MYRIP: variants seen among roughly 807,000 people sequenced by gnomAD.
MYRIP encodes the protein rab effector MyRIP.
A neutral mutation model predicts 98.0 loss-of-function variants in MYRIP; 49 were observed. The ratio of observed to expected loss-of-function variants is 0.50; its 90% CI spans 0.40 to 0.63. MYRIP has a LOEUF of 0.63. Ranked by LOEUF, MYRIP falls within the 30% of genes least tolerant of loss-of-function variation. MYRIP has a pLI of 0.00. For synonymous variants in MYRIP, 404 were observed against 409.5 expected, an observed-to-expected ratio of 0.99 and a Z score of 0.16; for missense variants, 1,004 against 1,058.2, an observed-to-expected ratio of 0.95 and a Z score of 0.71.
At chr3:39,943,775 G>A (rs1336409255) in intron 2 of MYRIP, among the ~76,000 whole-genome samples, 1 of 152,180 alleles carries the variant, frequency 6.6e-6, no homozygotes, top group African/African-American at 2.4e-5. Context: ...AGGGCCAAGA[G>A]TTCACTAGCT....
intron 3 of MYRIP, among the ~76,000 whole-genome samples, chr3:40,132,626 T>C (rs1254012536): frequency 6.6e-6 from 1 of 152,234 alleles, no homozygotes; most frequent in East Asian, 1.9e-4. Context: ...GTGAATCTGA[T>C]ACAAGATGAG....
intron 3 of MYRIP, among the ~76,000 whole-genome samples, chr3:40,129,440 C>CAA (rs386396419): frequency 0.013 from 379 of 29,368 alleles, 112 homozygotes; most frequent in African/African-American, 0.02. Flanking sequence ...GACTCTGTCT[C>CAA]AAAAAAAAAA....
chr3:39,922,110 G>T (rs1364992624), intron 2 of MYRIP, among the ~76,000 whole-genome samples: 5 of 151,978 alleles, frequency 3.3e-5, no homozygotes, highest in African/African-American at 1.2e-4. Flanking sequence ...AGTTCTCTTA[G>T]GTTTTTGTTT....
intron 12 of MYRIP, among the ~76,000 whole-genome samples, chr3:40,238,319 CT>C (rs769885656): frequency 3.7e-4 from 56 of 152,358 alleles, no homozygotes; most frequent in Admixed American, 2.0e-3. Flanking sequence ...CCTTGCTCTG[CT>C]GCTCCCGGAT....
chr3:39,933,836 GA>G (rs1944596605), intron 2 of MYRIP, among the ~76,000 whole-genome samples: 1 of 152,060 alleles, frequency 6.6e-6, no homozygotes, highest in Admixed American at 6.6e-5. Context: ...ATTTTTTATA[GA>G]TAAAGAAACT....
At chr3:39,951,127 G>C (rs1036968699) in intron 2 of MYRIP, among the ~76,000 whole-genome samples, 5 of 152,172 alleles carry the variant, frequency 3.3e-5, no homozygotes, top group African/African-American at 1.2e-4. Context: ...ACATCTGCCA[G>C]TGGTTTAGAT....
intron 2 of MYRIP, among the ~76,000 whole-genome samples, chr3:39,954,994 G>A (rs950303089): frequency 7.9e-5 from 12 of 152,040 alleles, no homozygotes; most frequent in South Asian, 2.1e-4. Flanking sequence ...GAAAAGAAAC[G>A]AACAAAGCCT....
chr3:39,968,355 G>T (rs951921412), intron 2 of MYRIP, among the ~76,000 whole-genome samples: 5 of 152,044 alleles, frequency 3.3e-5, no homozygotes, highest in African/African-American at 1.2e-4. Context: ...AAGAGATGGG[G>T]TTTCGCTGTG....
chr3:40,236,733 T>C (rs1952835286), intron 12 of MYRIP, among the ~76,000 whole-genome samples: 1 of 152,246 alleles, frequency 6.6e-6, no homozygotes, highest in South Asian at 2.1e-4. Context: ...GCCCTAGCCA[T>C]GAAGTTGATA....
chr3:39,855,961 G>C (rs1009600920), intron 1 of MYRIP, among the ~76,000 whole-genome samples: 3 of 152,174 alleles, frequency 2.0e-5, no homozygotes, highest in African/African-American at 7.2e-5. Context: ...GTCAGAGATG[G>C]CTTCCTGGGG....
chr3:39,865,083 G>T (rs1041198535), intron 1 of MYRIP, among the ~76,000 whole-genome samples: 2 of 152,110 alleles, frequency 1.3e-5, no homozygotes, highest in South Asian at 4.1e-4. Context: ...ATAGTGTTGG[G>T]ATAACTGGCT....
At chr3:40,108,300 G>C (rs1030070087) in intron 3 of MYRIP, among the ~76,000 whole-genome samples, 1 of 150,934 alleles carries the variant, frequency 6.6e-6, no homozygotes, top group African/African-American at 2.4e-5. Context: ...ATAATTTAAG[G>C]CATGTTGTGT....
chr3:39,960,317 A>G (rs1366399482), intron 2 of MYRIP, among the ~76,000 whole-genome samples: 1 of 152,152 alleles, frequency 6.6e-6, no homozygotes, highest in African/African-American at 2.4e-5. Flanking sequence ...CAAAGTGGGA[A>G]TCAATTCTCA....
At chr3:40,067,602 T>C (rs1206781574) in intron 3 of MYRIP, among the ~76,000 whole-genome samples, 1 of 152,144 alleles carries the variant, frequency 6.6e-6, no homozygotes, top group African/African-American at 2.4e-5. Flanking sequence ...GAGGATCTCC[T>C]GAGTCAAGCT....
At chr3:39,929,189 G>A (rs979699988) in intron 2 of MYRIP, among the ~76,000 whole-genome samples, 21 of 151,964 alleles carry the variant, frequency 1.4e-4, no homozygotes, top group Admixed American at 1.4e-3. Context: ...ATATTTAGAT[G>A]TCAATCTAGC....
At chr3:39,999,113 C>T (rs1946448796) in intron 2 of MYRIP, among the ~76,000 whole-genome samples, 2 of 152,212 alleles carry the variant, frequency 1.3e-5, no homozygotes, top group African/African-American at 2.4e-5. Context: ...AGGACATAGG[C>T]ATGGGCAAGG....
intron 3 of MYRIP, among the ~76,000 whole-genome samples, chr3:40,124,390 A>G (rs1160539635): frequency 6.6e-6 from 1 of 152,228 alleles, no homozygotes; most frequent in African/African-American, 2.4e-5. Flanking sequence ...ACAGCCATGA[A>G]TGGCTCTGTC....
intron 4 of MYRIP, among the ~76,000 whole-genome samples, chr3:40,156,102 C>T (rs1312129443): frequency 6.6e-6 from 1 of 151,764 alleles, no homozygotes; most frequent in Admixed American, 6.6e-5. Flanking sequence ...CCTAGGTTTT[C>T]TTCTAGGGTT....
intron 3 of MYRIP, among the ~76,000 whole-genome samples, chr3:40,055,936 G>A (rs1022581728): frequency 6.6e-6 from 1 of 152,100 alleles, no homozygotes; most frequent in African/African-American, 2.4e-5. Flanking sequence ...CTAAATCCAT[G>A]CCATGAACTA....
Sources: allele counts gnomAD v4.1 joint callset (sites outside exome capture counted in the v4.1 genomes callset), GRCh38; gene constraint gnomAD v4.1.1; transcripts MANE v1.5; gene names NCBI Gene and HGNC (gene_info 2026-07-23, HGNC 2026-07-21).